Variants in MMS22L observed in about 807,000 individuals in gnomAD.
The protein encoded by MMS22L is protein MMS22-like.
MMS22L carries 74 observed loss-of-function variants against 159.1 expected under a neutral mutation model. The ratio of observed to expected loss-of-function variants is 0.47; its 90% confidence interval spans 0.39 to 0.56. The LOEUF (loss-of-function observed/expected upper bound fraction) is 0.56. MMS22L is among the 20% of genes least tolerant of loss of function. MMS22L has a pLI of 0.00. For synonymous variants in MMS22L, 517 were observed against 506.9 expected, an observed-to-expected ratio of 1.02 and a Z score of -0.27; for missense variants, 1,351 against 1,422.1, an observed-to-expected ratio of 0.95 and a Z score of 0.80.
rs537745265 is a variant in MMS22L, at chr6:97,234,307, G to C, written c.1183-327C>G. Among the ~76,000 whole-genome samples, 11 of 152,182 alleles carry C rather than the reference G, an allele frequency of 7.2e-5. No homozygotes were observed. The South Asian group carries it at 1.9e-3, about 26-fold the overall frequency. ...AAGGAACCCAAACCAAAAAGAAGTG[G>C]CAAAAATGATGTAACGATTAAGATG... On this transcript the variant is annotated intron_variant, in intron 11 of 24. Transcript: ENST00000683635.
intron 18 of MMS22L, 44 bp from the exon 19 acceptor site, chr6:97,173,266 C>T (rs770193931): frequency 3.8e-6 from 6 of 1,564,702 alleles, no homozygotes; most frequent in Admixed American, 3.7e-5. Context: ...AAAGTTTATA[C>T]CATAAAGATT....
At chr6:97,168,356 G>T in intron 19 of MMS22L, 116 bp from the exon 20 acceptor site, 1 of 811,390 alleles carries the variant, frequency 1.2e-6, no homozygotes. Context: ...GTAGGGAATA[G>T]GAAGAGACAT....
At chr6:97,182,203 A>T in intron 15 of MMS22L, 149 bp from the exon 16 acceptor site, 1 of 638,172 alleles carries the variant, frequency 1.6e-6, no homozygotes, top group East Asian at 2.9e-5. Flanking sequence ...AGCAAACAAA[A>T]AGCTAAAACT....
chr6:97,223,901 C>T (rs1164670625), intron 14 of MMS22L, among the ~76,000 whole-genome samples: 2 of 152,170 alleles, frequency 1.3e-5, no homozygotes, highest in Non-Finnish European at 2.9e-5. Context: ...TAAAGACTTG[C>T]ATATTGCTGC....
chr6:97,196,992 A>G (rs1424539309), intron 14 of MMS22L, among the ~76,000 whole-genome samples: 1 of 152,196 alleles, frequency 6.6e-6, no homozygotes. Flanking sequence ...GTGCTGACCC[A>G]TAAGCATCAG....
intron 22 of MMS22L, among the ~76,000 whole-genome samples, chr6:97,159,947 T>TG (rs1802247764): frequency 1.9e-5 from 2 of 104,842 alleles, no homozygotes; most frequent in Non-Finnish European, 3.7e-5. Context: ...TTATCATTTC[T>TG]GTTTTTTTTT....
At chr6:97,239,594 C>T (rs988415789) in intron 11 of MMS22L, among the ~76,000 whole-genome samples, 3 of 152,128 alleles carry the variant, frequency 2.0e-5, no homozygotes, top group South Asian at 2.1e-4. Flanking sequence ...AAAAAGAATT[C>T]AAAACATTAT....
intron 6 of MMS22L, chr6:97,270,863 C>A (rs1815660823): frequency 6.6e-6 from 1 of 152,052 alleles, no homozygotes; most frequent in African/African-American, 2.4e-5. Flanking sequence ...AGACTTCTCA[C>A]CTCACTGCAT....
chr6:97,228,910 C>CA lies in MMS22L; in HGVS notation c.2022dup (p.Val675CysfsTer32). 6.2e-7 allele frequency: 1 copy of CA among 1,612,692 alleles called. No homozygotes were observed. The highest frequency in any genetic ancestry group is 8.5e-7 in the Non-Finnish European group (1 of 1,179,044). On this transcript the variant is annotated frameshift_variant, in exon 14 of 25. Coordinates refer to ENST00000683635, the MANE Select transcript of MMS22L (RefSeq NM_001350599.2). LOFTEE classifies it high-confidence loss of function. ...AAACCATACCTGATTCTGGCCAGAACAGCTTGTAGGAAGCTCAATACTGTC... is the reference window on the plus strand; with the variant it reads ...AAACCATACCTGATTCTGGCCAGAACAAGCTTGTAGGAAGCTCAATACTGTC...
rs754360284 is a variant in MMS22L at position 97,282,460 on chromosome 6, A to G, written c.18T>C (p.Ala6=). The change falls in exon 2 of 25, where the codon GCT becomes GCC. Residue 6 remains alanine (A), a synonymous_variant. Transcript: ENST00000683635. MENCS[A]ASTFLTDSLE... ...AGCTGTCAGTCAGGAACGTCGATGCAGCAGAACAGTTCTCCATTGTTTACT... is the reference window on the plus strand; with the variant it reads ...AGCTGTCAGTCAGGAACGTCGATGCGGCAGAACAGTTCTCCATTGTTTACT... The G allele has an allele frequency of 5.0e-6, 8 of 1,612,642 alleles. No homozygotes were observed. Among genetic ancestry groups the G allele is most frequent in the African/African-American group, 1.3e-5 (1 of 74,670 alleles).
rs771849949 is a variant in MMS22L at position 97,145,877 on chromosome 6, A to C, written c.*929T>G. On this transcript the variant is annotated 3_prime_UTR_variant, in exon 25 of 25. Coordinates refer to ENST00000683635, the MANE Select transcript of MMS22L (RefSeq NM_001350599.2). ...AGTCAAGGACAAGCTCCAACTGGTAAAACAATCTGGATGAGTTAAGAGTTC... is the reference window on the plus strand; with the variant it reads ...AGTCAAGGACAAGCTCCAACTGGTACAACAATCTGGATGAGTTAAGAGTTC... 3 of 152,130 alleles carry C rather than the reference A, an allele frequency of 2.0e-5. No individual in the cohort carries two copies. The highest frequency in any genetic ancestry group is 4.4e-5 in the Non-Finnish European group (3 of 67,978). The allele number at this position is 152,130 out of a possible 1,614,324, so 9.4% of individuals were successfully genotyped here.
intron 20 of MMS22L, among the ~76,000 whole-genome samples, chr6:97,165,776 C>T (rs1802903987): frequency 6.6e-6 from 1 of 152,094 alleles, no homozygotes; most frequent in Non-Finnish European, 1.5e-5. Context: ...TCATCAACTA[C>T]ATTTATGTGT....
At chr6:97,210,124 T>G (rs1362231623) in intron 14 of MMS22L, among the ~76,000 whole-genome samples, 1 of 151,872 alleles carries the variant, frequency 6.6e-6, no homozygotes, top group Non-Finnish European at 1.5e-5. Context: ...AGAGCTGAAT[T>G]AGGTACAAAA....
chr6:97,145,642 AT>A lies in MMS22L; in HGVS notation c.*1163del, dbSNP rs1002066074. On this transcript the variant is annotated 3_prime_UTR_variant, in exon 25 of 25. Transcript: ENST00000683635. ...TTCCCAACAGAATTTGGGCCACCAAATATTTTCACGTACATTATCCCATTGA... is the reference window on the plus strand; with the variant it reads ...TTCCCAACAGAATTTGGGCCACCAAAATTTTCACGTACATTATCCCATTGA... The A allele has an allele frequency of 2.6e-4, 40 of 152,196 alleles. No individual in the cohort carries two copies. The highest frequency in any genetic ancestry group is 9.4e-4 in the African/African-American group (39 of 41,468). The allele number at this position is 152,196 out of a possible 1,614,324, so 9.4% of individuals were successfully genotyped here. A position where few individuals can be genotyped will look rare whatever the true frequency, so the allele number is the denominator to read the frequency against.
At chr6:97,167,835 T>C (rs556227235) in intron 20 of MMS22L, among the ~76,000 whole-genome samples, 1 of 152,088 alleles carries the variant, frequency 6.6e-6, no homozygotes. Flanking sequence ...CTGAGCACAC[T>C]ACCATAAGTG....
chr6:97,170,108 TTA>T (rs1803371966), intron 19 of MMS22L, among the ~76,000 whole-genome samples: 1 of 152,184 alleles, frequency 6.6e-6, no homozygotes, highest in South Asian at 2.1e-4. Flanking sequence ...GAATTAAACC[TTA>T]TCATAAGTAT....
chr6:97,267,807 A>T, intron 8 of MMS22L, 65 bp downstream of exon 8: 3 of 1,342,234 alleles, frequency 2.2e-6, no homozygotes, highest in Non-Finnish European at 2.9e-6. Flanking sequence ...TACAGATTAA[A>T]CGACATGCAT....
intron 18 of MMS22L, among the ~76,000 whole-genome samples, chr6:97,175,897 C>T (rs1367753324): frequency 1.3e-5 from 2 of 152,100 alleles, no homozygotes; most frequent in Admixed American, 6.6e-5. Flanking sequence ...TCTGAATAAC[C>T]ATACTTTGTC....
At position 97,282,272 on chromosome 6, in the gene MMS22L, T is replaced by G. The variant is rs370233386; in HGVS notation, c.164+42A>C. On this transcript the variant is annotated intron_variant, in intron 2 of 24. Transcript: ENST00000683635. ...ATAACTAACATTCCTAAAAAACTGGTGAATAATCAGATGAGGGAAAATGTC... is the reference window on the plus strand; with the variant it reads ...ATAACTAACATTCCTAAAAAACTGGGGAATAATCAGATGAGGGAAAATGTC... The G allele has an allele frequency of 1.5e-5, 24 of 1,588,902 alleles. No homozygotes were observed. The African/African-American group carries it at 2.3e-4, about 15-fold the overall frequency.
Sources: allele counts gnomAD v4.1 joint callset (sites outside exome capture counted in the v4.1 genomes callset), GRCh38; gene constraint gnomAD v4.1.1; transcripts MANE v1.5; gene names NCBI Gene and HGNC (gene_info 2026-07-23, HGNC 2026-07-21).